The following SOX6 variants were observed in gnomAD, a reference collection of about 807,000 sequenced individuals.
SOX6 encodes the protein transcription factor SOX-6.
A neutral mutation model predicts 97.8 loss-of-function variants in SOX6; 11 were observed. The ratio of observed to expected loss-of-function variants is 0.11; its 90% CI spans 0.07 to 0.19. SOX6 has a LOEUF of 0.19. Ranked by LOEUF, SOX6 falls within the 10% of genes least tolerant of loss-of-function variation. SOX6 has a pLI of 1.00. For synonymous variants in SOX6, 360 were observed against 371.4 expected, an observed-to-expected ratio of 0.97 and a Z score of 0.35; for missense variants, 810 against 1,039.5, an observed-to-expected ratio of 0.78 and a Z score of 3.04.
chr11:16,150,024 A>T (rs936381137), intron 6 of SOX6, among the ~76,000 whole-genome samples: 1 of 152,182 alleles, frequency 6.6e-6, no homozygotes, highest in African/African-American at 2.4e-5. Context: ...AGCATTTTAG[A>T]GATTGAGATT....
chr11:16,683,305 G>A (rs973833692), intron 3 of SOX6, among the ~76,000 whole-genome samples: 1 of 152,158 alleles, frequency 6.6e-6, no homozygotes, highest in Non-Finnish European at 1.5e-5. Context: ...GAACAATGCT[G>A]GAGGCATCAT....
chr11:16,634,294 G>A (rs1276227247), intron 3 of SOX6, among the ~76,000 whole-genome samples: 1 of 150,154 alleles, frequency 6.7e-6, no homozygotes, highest in Non-Finnish European at 1.5e-5. Flanking sequence ...TGAATTTGTA[G>A]ATCAATAAAA....
intron 6 of SOX6, among the ~76,000 whole-genome samples, chr11:16,122,659 T>C (rs1474714321): frequency 6.6e-6 from 1 of 152,032 alleles, no homozygotes; most frequent in Admixed American, 6.6e-5. Context: ...CATCCAGAAA[T>C]GCAGGTTTAC....
At chr11:16,533,698 A>G (rs546815421) in intron 4 of SOX6, among the ~76,000 whole-genome samples, 2 of 152,216 alleles carry the variant, frequency 1.3e-5, no homozygotes, top group African/African-American at 4.8e-5. Context: ...GAGAGAGATA[A>G]TAAACAAAAC....
At chr11:16,107,255 T>C (rs544860122) in intron 7 of SOX6, among the ~76,000 whole-genome samples, 2 of 151,756 alleles carry the variant, frequency 1.3e-5, no homozygotes, top group Non-Finnish European at 2.9e-5. Context: ...TCCAAAAGGA[T>C]TGAAAGTGGG....
chr11:16,297,625 T>G (rs1185236120), intron 3 of SOX6, among the ~76,000 whole-genome samples: 11 of 152,306 alleles, frequency 7.2e-5, no homozygotes, highest in Admixed American at 6.5e-4. Context: ...ACATTACCCA[T>G]TCAAACAGAA....
At chr11:16,056,452 G>A (rs1474510739) in intron 9 of SOX6, among the ~76,000 whole-genome samples, 1 of 152,090 alleles carries the variant, frequency 6.6e-6, no homozygotes, top group Non-Finnish European at 1.5e-5. Flanking sequence ...TTTACCCAGG[G>A]TCTTATTTCT....
chr11:16,096,172 C>T lies in SOX6; in HGVS notation c.979-54G>A, dbSNP rs1191012162. ...AAAAAGACAAAACATACTGTCAGAACTCATGAAACAGAATACATATTTCTA... is the reference window on the plus strand; with the variant it reads ...AAAAAGACAAAACATACTGTCAGAATTCATGAAACAGAATACATATTTCTA... On this transcript the variant is annotated intron_variant, in intron 8 of 15. Coordinates refer to ENST00000683767, the MANE Select transcript of SOX6 (RefSeq NM_001367873.1). The T allele has an allele frequency of 2.5e-6, 4 of 1,583,606 alleles. No individual in the cohort carries two copies. In the African/African-American group the frequency reaches 5.4e-5, roughly 21 times the overall value.
At chr11:16,058,657 G>A (rs1847875811) in intron 9 of SOX6, among the ~76,000 whole-genome samples, 1 of 151,940 alleles carries the variant, frequency 6.6e-6, no homozygotes, top group African/African-American at 2.4e-5. Flanking sequence ...GTATAGACTT[G>A]TATGCCATCA....
chr11:15,994,560 G>GA (rs1219598620), intron 13 of SOX6, among the ~76,000 whole-genome samples: 8 of 151,850 alleles, frequency 5.3e-5, no homozygotes, highest in African/African-American at 1.9e-4. Flanking sequence ...AGAGTAACAT[G>GA]AAAAAATATG....
At chr11:16,371,294 T>C (rs1857488709) in intron 1 of SOX6, among the ~76,000 whole-genome samples, 1 of 152,038 alleles carries the variant, frequency 6.6e-6, no homozygotes, top group East Asian at 1.9e-4. Context: ...GTTCCCTTTC[T>C]CTTTTACCTC....
chr11:16,112,514 T>A (rs1849255787), intron 6 of SOX6, among the ~76,000 whole-genome samples: 1 of 152,210 alleles, frequency 6.6e-6, no homozygotes, highest in Non-Finnish European at 1.5e-5. Context: ...CGATGTAACA[T>A]ATAAATTGCT....
At chr11:16,372,440 A>T (rs969395086) in intron 1 of SOX6, among the ~76,000 whole-genome samples, 3 of 152,138 alleles carry the variant, frequency 2.0e-5, no homozygotes, top group East Asian at 3.8e-4. Flanking sequence ...CAGATGGCAG[A>T]CTTTAAAATT....
intron 4 of SOX6, among the ~76,000 whole-genome samples, chr11:16,539,615 G>A (rs779841681): frequency 3.7e-4 from 57 of 152,016 alleles, no homozygotes; most frequent in East Asian, 1.9e-4. Context: ...ACAAATAGAT[G>A]CAATAAAAAA....
At chr11:16,712,078 T>TACACACACACACAC (rs58807051) in intron 3 of SOX6, among the ~76,000 whole-genome samples, 7 of 139,998 alleles carry the variant, frequency 5.0e-5, no homozygotes, top group South Asian at 4.8e-4. Context: ...TAGTATTCCA[T>TACACACACACACAC]ACACACACAC....
chr11:16,280,088 C>G (rs1361155104), intron 3 of SOX6, among the ~76,000 whole-genome samples: 15 of 152,086 alleles, frequency 9.9e-5, no homozygotes, highest in Non-Finnish European at 4.4e-5. Context: ...ATTTCTTTCT[C>G]AATGCTTGAC....
At chr11:16,148,857 G>GA (rs923747918) in intron 6 of SOX6, among the ~76,000 whole-genome samples, 9 of 149,960 alleles carry the variant, frequency 6.0e-5, no homozygotes, top group South Asian at 2.1e-4. Flanking sequence ...ACATTAAGAA[G>GA]AAAAAAAAAG....
At chr11:16,370,725 C>T (rs1413907176) in intron 1 of SOX6, among the ~76,000 whole-genome samples, 3 of 152,110 alleles carry the variant, frequency 2.0e-5, no homozygotes, top group Non-Finnish European at 4.4e-5. Flanking sequence ...GCAACTCCAT[C>T]CTTAGCTTCT....
intron 1 of SOX6, among the ~76,000 whole-genome samples, chr11:16,451,166 A>T (rs1237121630): frequency 2.6e-5 from 4 of 151,958 alleles, no homozygotes. Flanking sequence ...AGGGATGCAG[A>T]GGTTGCAGTG....
Sources: allele counts gnomAD v4.1 joint callset (sites outside exome capture counted in the v4.1 genomes callset), GRCh38; gene constraint gnomAD v4.1.1; transcripts MANE v1.5; gene names NCBI Gene and HGNC (gene_info 2026-07-23, HGNC 2026-07-21).